GABPA: variants seen among roughly 807,000 people sequenced by gnomAD.
GABPA encodes the protein GA binding protein transcription factor subunit alpha.
Under a neutral mutation model 59.4 loss-of-function variants are expected in GABPA, and 4 were observed. The ratio of observed to expected loss-of-function variants is 0.07; its 90% CI spans 0.03 to 0.15. The LOEUF (loss-of-function observed/expected upper bound fraction) is 0.15. GABPA is among the 10% of genes least tolerant of loss of function. The pLI is 1.00. For missense variants in GABPA, 251 were observed against 543.8 expected, an observed-to-expected ratio of 0.46 and a Z score of 5.36; for synonymous variants, 164 against 183.1, an observed-to-expected ratio of 0.90 and a Z score of 0.84.
At chr21:25,753,380 G>A (rs1008758702) in intron 5 of GABPA, among the ~76,000 whole-genome samples, 1 of 152,172 alleles carries the variant, frequency 6.6e-6, no homozygotes, top group Non-Finnish European at 1.5e-5. Context: ...AAAAGTCTAC[G>A]TAGTCCCTGA....
intron 9 of GABPA, 82 bp downstream of exon 9, chr21:25,764,869 A>G: frequency 3.1e-6 from 3 of 982,254 alleles, no homozygotes; most frequent in Non-Finnish European, 4.3e-6. Context: ...TGTAATAAGC[A>G]TTGTTATGTA....
chr21:25,748,731 A>G (rs1240683053), intron 3 of GABPA, among the ~76,000 whole-genome samples: 2 of 152,244 alleles, frequency 1.3e-5, no homozygotes, highest in African/African-American at 4.8e-5. Context: ...TACTTTAAAT[A>G]CATTTCAGAA....
chr21:25,762,806 G>T, intron 7 of GABPA: 1 of 183,268 alleles, frequency 5.5e-6, no homozygotes. Flanking sequence ...GGTTTGAAAT[G>T]AAGAAAAAAG....
intron 4 of GABPA, among the ~76,000 whole-genome samples, chr21:25,749,471 C>T (rs770871099): frequency 3.3e-5 from 5 of 152,116 alleles, no homozygotes; most frequent in Non-Finnish European, 5.9e-5. Context: ...AAATACAACA[C>T]CTGGAAGCTA....
In GABPA at chr21:25,749,836, A is replaced by G. The variant is rs537734433; in HGVS notation, c.307+716A>G. Among the ~76,000 whole-genome samples the G allele has an allele frequency of 5.3e-5, 8 of 152,364 alleles. 1 individual carries two copies. Among genetic ancestry groups the G allele is most frequent in the African/African-American group, 9.6e-5 (4 of 41,600 alleles). On this transcript the variant is annotated intron_variant, in intron 4 of 9. Transcript: ENST00000400075. ...ACAAGAGGAAAACTCTGTCTCAATCAGTCAATCAATAAAAAAATAGATGTT... is the reference window on the plus strand; with the variant it reads ...ACAAGAGGAAAACTCTGTCTCAATCGGTCAATCAATAAAAAAATAGATGTT...
chr21:25,763,023 CT>C, intron 7 of GABPA: 1 of 372,386 alleles, frequency 2.7e-6, no homozygotes, highest in Admixed American at 3.5e-5. Flanking sequence ...CAGCTTTATT[CT>C]TTACCTTTGA....
chr21:25,758,705 G>T (rs1226768556), intron 6 of GABPA, among the ~76,000 whole-genome samples: 2 of 152,154 alleles, frequency 1.3e-5, no homozygotes, highest in African/African-American at 4.8e-5. Flanking sequence ...ATTGAATAGA[G>T]TCTTAAGAGG....
In GABPA at chr21:25,770,012, G is replaced by C. The variant is rs1334929951; in HGVS notation, c.*780G>C. 6.6e-6 allele frequency: 1 copy of C among 152,508 alleles called. No individual in the cohort carries two copies. Among genetic ancestry groups the C allele is most frequent in the Admixed American group, 6.6e-5 (1 of 15,262 alleles). The allele number at this position is 152,508 out of a possible 1,614,324, so 9.4% of individuals were successfully genotyped here. A position where few individuals can be genotyped will look rare whatever the true frequency, so the allele number is the denominator to read the frequency against. ...AATGATCTCTGTTTTTCCTGTCAGA[G>C]ATTTAAAAAACTGAAAAGGTATACC... On this transcript the variant is annotated 3_prime_UTR_variant, in exon 10 of 10. Coordinates refer to ENST00000400075, the MANE Select transcript of GABPA (RefSeq NM_002040.4).
At chr21:25,737,532 CTT>C (rs1413546819) in intron 1 of GABPA, among the ~76,000 whole-genome samples, 1 of 152,004 alleles carries the variant, frequency 6.6e-6, no homozygotes, top group Non-Finnish European at 1.5e-5. Flanking sequence ...CTATTTGGCA[CTT>C]TCTAGGGATT....
At chr21:25,738,524 G>T (rs2035138646) in intron 1 of GABPA, among the ~76,000 whole-genome samples, 1 of 151,944 alleles carries the variant, frequency 6.6e-6, no homozygotes, top group East Asian at 1.9e-4. Flanking sequence ...TTCTCCTTAC[G>T]GTTATGTTCT....
chr21:25,766,567 A>G (rs568474100), intron 9 of GABPA, among the ~76,000 whole-genome samples: 8 of 152,092 alleles, frequency 5.3e-5, no homozygotes, highest in Non-Finnish European at 1.0e-4. Flanking sequence ...GAGATTATCC[A>G]AATGGCCAAT....
At chr21:25,762,507 C>A in intron 7 of GABPA, 142 bp downstream of exon 7, 1 of 566,706 alleles carries the variant, frequency 1.8e-6, no homozygotes, top group Admixed American at 3.6e-5. Flanking sequence ...GAAAGCTCGA[C>A]ACAAGTACTT....
At chr21:25,766,664 A>G (rs890080078) in intron 9 of GABPA, among the ~76,000 whole-genome samples, 37 of 151,934 alleles carry the variant, frequency 2.4e-4, no homozygotes, top group Non-Finnish European at 1.3e-4. Flanking sequence ...CACCCCCTAG[A>G]GTGGCTACAA....
intron 2 of GABPA, among the ~76,000 whole-genome samples, chr21:25,744,911 T>C (rs2035322222): frequency 6.6e-6 from 1 of 152,186 alleles, no homozygotes; most frequent in African/African-American, 2.4e-5. Flanking sequence ...GTAATGCAAA[T>C]GCAAACATAA....
At chr21:25,755,973 C>T (rs1006571783) in intron 5 of GABPA, among the ~76,000 whole-genome samples, 7 of 152,226 alleles carry the variant, frequency 4.6e-5, no homozygotes, top group African/African-American at 1.7e-4. Flanking sequence ...GATTACCACT[C>T]TGCTTATTGT....
chr21:25,755,567 G>A (rs923272460), intron 5 of GABPA, among the ~76,000 whole-genome samples: 16 of 152,024 alleles, frequency 1.1e-4, no homozygotes, highest in African/African-American at 3.9e-4. Context: ...TGAATACTGT[G>A]TTGTGGAACT....
At chr21:25,743,584 C>CTT (rs58148744) in intron 2 of GABPA, among the ~76,000 whole-genome samples, 5 of 134,756 alleles carry the variant, frequency 3.7e-5, no homozygotes, top group Admixed American at 7.4e-5. Context: ...ATGAGATCAT[C>CTT]TTTTTTTTTT....
intron 7 of GABPA, chr21:25,763,090 G>A (rs1179718570): frequency 6.9e-6 from 3 of 437,306 alleles, no homozygotes; most frequent in African/African-American, 2.1e-5. Flanking sequence ...GAGTCTTTTT[G>A]TTTCTCTTAA....
Position 25,758,162 on chromosome 21 carries a change from C to T in GABPA, c.706C>T (p.Arg236Trp), listed in dbSNP as rs144668707. The T allele has an allele frequency of 6.2e-6, 10 of 1,607,952 alleles. No individual in the cohort carries two copies. The highest frequency in any genetic ancestry group is 1.7e-4 in the Middle Eastern group (1 of 5,958). Reference sequence around the variant, plus strand: ...AGAAGATTTTTTTCAGCGGGTTCCTCGGGGAGAAATTCTCTGGAGTCATCT... The same window carrying T: ...AGAAGATTTTTTTCAGCGGGTTCCTTGGGGAGAAATTCTCTGGAGTCATCT... ...NQEDFFQRVP[R>W]GEILWSHLEL... Residue 236 changes from arginine (R) to tryptophan (W), a missense_variant, in exon 6 of 10, where the codon CGG becomes TGG. Around this residue, in one of 4 missense-constraint regions of GABPA, gnomAD observed 207 missense variants for 366.7 expected, o/e 0.56. Coordinates refer to ENST00000400075, the MANE Select transcript of GABPA (RefSeq NM_002040.4).
Sources: allele counts gnomAD v4.1 joint callset (sites outside exome capture counted in the v4.1 genomes callset), GRCh38; gene constraint gnomAD v4.1.1; regional missense constraint gnomAD v4.1.1; transcripts MANE v1.5; gene names NCBI Gene and HGNC (gene_info 2026-07-23, HGNC 2026-07-21).